Variants in GNAS-AS1 observed in about 807,000 individuals in gnomAD.
GNAS-AS1 encodes the protein GNAS antisense RNA 1 (non-protein coding).
chr20:58,837,445 A>G (rs2085611099), intron 4 of GNAS-AS1, among the ~76,000 whole-genome samples: 1 of 152,238 alleles, frequency 6.6e-6, no homozygotes, highest in Non-Finnish European at 1.5e-5. Context: ...TTCCACAGGA[A>G]AAGTGGTAGA....
chr20:58,841,696 C>CCGGGT lies in GNAS-AS1; in HGVS notation n.819+240_819+241insACCCG, dbSNP rs755244352. 8.3e-6 allele frequency: 10 copies of CCGGGT among 1,204,844 alleles called. No homozygotes were observed. The highest frequency in any genetic ancestry group is 1.0e-5 in the Non-Finnish European group (10 of 971,004). 74.6% of individuals were successfully genotyped at this position (1,204,844 alleles called of 1,614,324 possible). On this transcript the variant is annotated intron_variant and non_coding_transcript_variant, in intron 4 of 4. Transcript: ENST00000424094. The surrounding 1 kb of genome is among the most constrained non-coding windows in gnomAD (Gnocchi z 5.0). Reference sequence around the variant, plus strand: ...GGGAAAGGTAGAGGAGGTAAGGGGACCCTTGGGGATGCCCCTACGGGCTAC... The same window carrying CCGGGT: ...GGGAAAGGTAGAGGAGGTAAGGGGACCGGGTCCTTGGGGATGCCCCTACGGGCTAC...
chr20:58,850,826 C>A (rs1320549022), exon 1 of GNAS-AS1: 3 of 398,708 alleles, frequency 7.5e-6, no homozygotes, highest in East Asian at 7.1e-5. Context: ...CCAGGCCTAG[C>A]CGCCATACAC....
rs2085668597 is a variant in GNAS-AS1, at chr20:58,840,319, C to T, written n.819+1618G>A. 5 of 1,612,910 alleles carry T rather than the reference C, an allele frequency of 3.1e-6. No individual in the cohort carries two copies. The African/African-American group carries it at 4.0e-5, about 13-fold the overall frequency. The stretch of plus-strand genomic sequence containing the variant: ...GCTTCCTTAACGCCCACCACCGCTC[C>T]GGCGCCCAGGTATTCCCTGAGTCCC... On this transcript the variant is annotated intron_variant and non_coding_transcript_variant, in intron 4 of 4. Transcript: ENST00000424094. The surrounding 1 kb of genome is among the most constrained non-coding windows in gnomAD (Gnocchi z 6.0).
intron 4 of GNAS-AS1, among the ~76,000 whole-genome samples, chr20:58,828,502 C>T (rs949908295): frequency 3.3e-5 from 5 of 152,230 alleles, no homozygotes; most frequent in African/African-American, 1.2e-4. Context: ...GGCTTTACCA[C>T]TAACCAGCTG....
intron 2 of GNAS-AS1, among the ~76,000 whole-genome samples, chr20:58,846,211 G>A (rs776939214): frequency 9.9e-5 from 15 of 152,128 alleles, no homozygotes; most frequent in East Asian, 1.9e-4. Flanking sequence ...GAAATTTGGC[G>A]GTTATAAAGA....
chr20:58,833,427 G>A (rs1454137804), intron 4 of GNAS-AS1, among the ~76,000 whole-genome samples: 1 of 152,186 alleles, frequency 6.6e-6, no homozygotes, highest in Non-Finnish European at 1.5e-5. Flanking sequence ...GACGTTGAGA[G>A]GCCCTTCTTT....
At position 58,841,414 on chromosome 20, in the gene GNAS-AS1, A is replaced by C. The variant is rs2085721502; in HGVS notation, n.819+523T>G. The C allele has an allele frequency of 1.0e-6, 1 of 995,792 alleles. No homozygotes were observed. The highest frequency in any genetic ancestry group is 1.2e-6 in the Non-Finnish European group (1 of 836,322). 61.7% of individuals were successfully genotyped at this position (995,792 alleles called of 1,614,324 possible). ...GAATGGGAATGGGCGAGAACTCTAG[A>C]GACTGACCACCCGGGAGGGAAGTCA... On this transcript the variant is annotated intron_variant and non_coding_transcript_variant, in intron 4 of 4. Coordinates refer to ENST00000424094, the Ensembl canonical transcript of GNAS-AS1. The surrounding 1 kb of genome is among the most constrained non-coding windows in gnomAD (Gnocchi z 5.0).
chr20:58,830,484 T>TCACCAC (rs1250298086), intron 4 of GNAS-AS1, among the ~76,000 whole-genome samples: 1 of 5,670 alleles, frequency 1.8e-4, no homozygotes, highest in African/African-American at 7.6e-4. Flanking sequence ...ATCATCACCA[T>TCACCAC]CACCACCATC....
intron 4 of GNAS-AS1, among the ~76,000 whole-genome samples, chr20:58,827,603 A>T (rs142395788): frequency 3.0e-4 from 45 of 152,336 alleles, no homozygotes; most frequent in African/African-American, 9.9e-4. Context: ...GTGACTGCTG[A>T]CTGTCTTTAT....
chr20:58,846,104 G>A (rs912964475), intron 2 of GNAS-AS1, among the ~76,000 whole-genome samples: 3 of 152,108 alleles, frequency 2.0e-5, no homozygotes, highest in African/African-American at 7.2e-5. Context: ...GAATTTGAGG[G>A]ATCACAGAAA....
intron 2 of GNAS-AS1, among the ~76,000 whole-genome samples, chr20:58,848,077 G>A (rs933135055): frequency 1.3e-5 from 2 of 152,202 alleles, no homozygotes; most frequent in African/African-American, 4.8e-5. Flanking sequence ...AAACGCCACT[G>A]TTTGCCACCT....
At position 58,840,644 on chromosome 20, in the gene GNAS-AS1, C is replaced by T. The variant is rs1361826069; in HGVS notation, n.819+1293G>A. The T allele has an allele frequency of 1.9e-6, 3 of 1,606,762 alleles. No individual in the cohort carries two copies. The highest frequency in any genetic ancestry group is 2.5e-6 in the Non-Finnish European group (3 of 1,179,022). On this transcript the variant is annotated intron_variant and non_coding_transcript_variant, in intron 4 of 4. Transcript: ENST00000424094. This position sits in a 1 kb window ranked among gnomAD's most constrained non-coding sequence, Gnocchi z 6.0. ...CGACGCCTCCCCAAGTCGCGCGCCGCCCAGCACTCAGGAGCCCCAGAGCCC... is the reference window on the plus strand; with the variant it reads ...CGACGCCTCCCCAAGTCGCGCGCCGTCCAGCACTCAGGAGCCCCAGAGCCC...
At chr20:58,837,078 T>C (rs1057346768) in intron 4 of GNAS-AS1, among the ~76,000 whole-genome samples, 3 of 152,218 alleles carry the variant, frequency 2.0e-5, no homozygotes, top group African/African-American at 7.2e-5. Flanking sequence ...TACTTTCTTA[T>C]GTACACTAAA....
chr20:58,826,363 C>T (rs2085520300), intron 4 of GNAS-AS1, among the ~76,000 whole-genome samples: 1 of 152,166 alleles, frequency 6.6e-6, no homozygotes, highest in Non-Finnish European at 1.5e-5. Context: ...CTGGTTAGCA[C>T]TGCCTTTCAT....
chr20:58,833,991 A>T (rs763330365), intron 4 of GNAS-AS1: 2 of 152,262 alleles, frequency 1.3e-5, no homozygotes, highest in East Asian at 3.9e-4. Flanking sequence ...CAGTGACTAG[A>T]CATGTAAAAT....
Position 58,840,908 on chromosome 20 carries a change from TG to T in GNAS-AS1, n.819+1028del, listed in dbSNP as rs760317470. Reference sequence around the variant, plus strand: ...TCAGGTTAGTTGCCCACCGCTAAACTGGGGAGCCTGAGGGCGGTGTGGGAGC... The same window carrying T: ...TCAGGTTAGTTGCCCACCGCTAAACTGGGAGCCTGAGGGCGGTGTGGGAGC... On this transcript the variant is annotated intron_variant and non_coding_transcript_variant, in intron 4 of 4. Coordinates refer to ENST00000424094, the Ensembl canonical transcript of GNAS-AS1. This position sits in a 1 kb window ranked among gnomAD's most constrained non-coding sequence, Gnocchi z 6.0. 2 of 1,610,992 alleles carry T rather than the reference TG, an allele frequency of 1.2e-6. No homozygotes were observed. The highest frequency in any genetic ancestry group is 1.7e-6 in the Non-Finnish European group (2 of 1,179,118).
In GNAS-AS1 at chr20:58,841,611, T is replaced by C; in HGVS notation, n.819+326A>G. ...GACCGCCTCAAAGAGCGTGCGCACC[T>C]GCCCGCGCGCGCCGGAGCTGACCTC... On this transcript the variant is annotated intron_variant and non_coding_transcript_variant, in intron 4 of 4. Coordinates refer to ENST00000424094, the Ensembl canonical transcript of GNAS-AS1. The surrounding 1 kb of genome is among the most constrained non-coding windows in gnomAD (Gnocchi z 5.0). The C allele has an allele frequency of 1.9e-6, 2 of 1,041,606 alleles. No homozygotes were observed. Among genetic ancestry groups the C allele is most frequent in the South Asian group, 9.2e-5 (2 of 21,768 alleles). The allele number at this position is 1,041,606 out of a possible 1,614,324, so 64.5% of individuals were successfully genotyped here.
intron 4 of GNAS-AS1, chr20:58,819,391 C>A (rs1202512364): frequency 7.5e-6 from 3 of 397,426 alleles, no homozygotes; most frequent in Non-Finnish European, 1.3e-5. Context: ...TGATATCTTG[C>A]TTCCAACGGC....
chr20:58,847,982 AG>A (rs1947567034), intron 2 of GNAS-AS1, among the ~76,000 whole-genome samples: 1 of 152,228 alleles, frequency 6.6e-6, no homozygotes, highest in Non-Finnish European at 1.5e-5. Flanking sequence ...GCGGCTTCCA[AG>A]GAACGGGGCT....
Sources: allele counts gnomAD v4.1 joint callset (sites outside exome capture counted in the v4.1 genomes callset), GRCh38; gene constraint gnomAD v4.1.1; non-coding constraint Gnocchi (gnomAD v3.1); transcripts MANE v1.5; gene names NCBI Gene and HGNC (gene_info 2026-07-23, HGNC 2026-07-21).